GALNT14: variants seen among roughly 807,000 people sequenced by gnomAD.
The protein encoded by GALNT14 is polypeptide N-acetylgalactosaminyltransferase 14.
A neutral mutation model predicts 77.5 loss-of-function variants in GALNT14; 60 were observed. The ratio of observed to expected loss-of-function variants is 0.77; its 90% CI spans 0.63 to 0.96. The LOEUF is 0.96. Among genes scored for constraint, GALNT14 ranks in the 40% least tolerant of loss-of-function variants. GALNT14 has a pLI of 0.00. For synonymous variants in GALNT14, 280 were observed against 281.7 expected, an observed-to-expected ratio of 0.99 and a Z score of 0.06; for missense variants, 710 against 731.0, an observed-to-expected ratio of 0.97 and a Z score of 0.33.
At chr2:30,993,102 A>G in intron 1 of GALNT14, 95 bp from the exon 2 acceptor site, 1 of 1,351,106 alleles carries the variant, frequency 7.4e-7, no homozygotes, top group Non-Finnish European at 1.0e-6. Context: ...GACCAGGCTT[A>G]TTCTGGCAAG....
intron 9 of GALNT14, among the ~76,000 whole-genome samples, chr2:30,938,619 C>T (rs1666198991): frequency 1.3e-5 from 2 of 152,218 alleles, no homozygotes; most frequent in Non-Finnish European, 2.9e-5. Context: ...CTATTCAGCT[C>T]ACCTTAGAAA....
intron 1 of GALNT14, among the ~76,000 whole-genome samples, chr2:31,119,265 A>T (rs1337779751): frequency 1.3e-5 from 2 of 152,220 alleles, no homozygotes; most frequent in Admixed American, 6.5e-5. Flanking sequence ...ATATACCATA[A>T]AGTCAACAGT....
Position 31,138,141 on chromosome 2 carries a change from C to A in GALNT14, c.-55G>T. 2 of 1,610,724 alleles carry A rather than the reference C, an allele frequency of 1.2e-6. No homozygotes were observed. Among genetic ancestry groups the A allele is most frequent in the Non-Finnish European group, 1.7e-6 (2 of 1,178,016 alleles). ...GCTACGTCCCGGGGGCACCCCCCGGCGGTCAGGGTTGGCGGGGCAGGAGTC... is the reference window on the plus strand; with the variant it reads ...GCTACGTCCCGGGGGCACCCCCCGGAGGTCAGGGTTGGCGGGGCAGGAGTC... On this transcript the variant is annotated 5_prime_UTR_variant, in exon 1 of 15. Transcript: ENST00000349752.
rs571350971 is a variant in GALNT14 at position 31,034,541 on chromosome 2, C to G, written c.130-41534G>C. Among the ~76,000 whole-genome samples the G allele has an allele frequency of 2.0e-5, 3 of 151,128 alleles. No homozygotes were observed. The South Asian group carries it at 6.3e-4, about 32-fold the overall frequency. ...GCTATTCCAGTCACTGACTTTTGAT[C>G]TTTTTCTAGTTGTTTTGTTTTTTTT... On this transcript the variant is annotated intron_variant, in intron 1 of 14. Transcript: ENST00000349752.
At chr2:30,916,733 T>A (rs1664702843) in intron 13 of GALNT14, among the ~76,000 whole-genome samples, 1 of 151,958 alleles carries the variant, frequency 6.6e-6, no homozygotes, top group African/African-American at 2.4e-5. Context: ...AGCCTGGGGC[T>A]TGTGGTCTTG....
At chr2:31,034,396 A>G (rs1458863973) in intron 1 of GALNT14, among the ~76,000 whole-genome samples, 1 of 152,198 alleles carries the variant, frequency 6.6e-6, no homozygotes, top group Non-Finnish European at 1.5e-5. Flanking sequence ...GAAAGTTTCA[A>G]TGTCTCCTTC....
intron 2 of GALNT14, among the ~76,000 whole-genome samples, chr2:30,987,459 T>A (rs1020680001): frequency 1.3e-5 from 2 of 152,180 alleles, no homozygotes; most frequent in Non-Finnish European, 2.9e-5. Context: ...CCCTCTGCCA[T>A]CTCACACTCC....
At chr2:31,027,662 A>G (rs532806586) in intron 1 of GALNT14, among the ~76,000 whole-genome samples, 1 of 152,336 alleles carries the variant, frequency 6.6e-6, no homozygotes, top group Non-Finnish European at 1.5e-5. Flanking sequence ...TTTCAGGATT[A>G]GTACATACTA....
intron 1 of GALNT14, among the ~76,000 whole-genome samples, chr2:31,005,829 G>T (rs1320716672): frequency 2.0e-5 from 3 of 152,220 alleles, no homozygotes; most frequent in Non-Finnish European, 4.4e-5. Context: ...GATAAGACAA[G>T]AAAACTATTT....
chr2:30,932,405 G>C (rs570725104), intron 9 of GALNT14, among the ~76,000 whole-genome samples: 16 of 152,350 alleles, frequency 1.1e-4, no homozygotes, highest in African/African-American at 3.8e-4. Flanking sequence ...AGTGAGCAGG[G>C]AAACAGTGCA....
At chr2:30,941,341 C>T (rs1220980386) in intron 9 of GALNT14, among the ~76,000 whole-genome samples, 13 of 152,216 alleles carry the variant, frequency 8.5e-5, no homozygotes, top group Non-Finnish European at 1.8e-4. Context: ...CCCCTGCCCT[C>T]GTGCAGCTTC....
At chr2:30,951,819 T>C (rs1667045771) in intron 6 of GALNT14, among the ~76,000 whole-genome samples, 1 of 152,146 alleles carries the variant, frequency 6.6e-6, no homozygotes, top group Admixed American at 6.5e-5. Flanking sequence ...GTCTTTACCA[T>C]GACCTCACCT....
chr2:31,120,658 G>A (rs569839597), intron 1 of GALNT14, among the ~76,000 whole-genome samples: 1 of 152,162 alleles, frequency 6.6e-6, no homozygotes, highest in African/African-American at 2.4e-5. Context: ...CTGGGCTCAA[G>A]TGATTCTCCT....
intron 1 of GALNT14, among the ~76,000 whole-genome samples, chr2:31,135,131 G>A (rs756630445): frequency 3.9e-5 from 6 of 152,136 alleles, no homozygotes; most frequent in African/African-American, 9.7e-5. Context: ...ACCAAACCAC[G>A]ATCAACAGAC....
At chr2:31,089,267 T>C (rs1032227093) in intron 1 of GALNT14, among the ~76,000 whole-genome samples, 29 of 152,318 alleles carry the variant, frequency 1.9e-4, no homozygotes, top group African/African-American at 6.7e-4. Context: ...ATGCTTTCCC[T>C]TCTGCTGAAC....
At chr2:30,960,515 T>A (rs1228097206) in intron 3 of GALNT14, among the ~76,000 whole-genome samples, 1 of 151,608 alleles carries the variant, frequency 6.6e-6, no homozygotes, top group East Asian at 1.9e-4. Context: ...TAGTCAGCAG[T>A]GAGTGCTAAT....
At chr2:30,971,804 G>A (rs1009713167) in intron 2 of GALNT14, among the ~76,000 whole-genome samples, 1 of 151,650 alleles carries the variant, frequency 6.6e-6, no homozygotes, top group African/African-American at 2.4e-5. Context: ...TCAGAAACAT[G>A]CTCAGTGATG....
intron 2 of GALNT14, among the ~76,000 whole-genome samples, chr2:30,976,233 C>A (rs1270268226): frequency 6.6e-6 from 1 of 152,188 alleles, no homozygotes; most frequent in Non-Finnish European, 1.5e-5. Flanking sequence ...TCTCTGGCCC[C>A]AATCTACCTC....
At chr2:30,954,424 G>A (rs1243058001) in intron 6 of GALNT14, among the ~76,000 whole-genome samples, 3 of 152,140 alleles carry the variant, frequency 2.0e-5, no homozygotes, top group South Asian at 2.1e-4. Flanking sequence ...GCAATGGTGC[G>A]ATCTCAGCTC....
Sources: allele counts gnomAD v4.1 joint callset (sites outside exome capture counted in the v4.1 genomes callset), GRCh38; gene constraint gnomAD v4.1.1; transcripts MANE v1.5; gene names NCBI Gene and HGNC (gene_info 2026-07-23, HGNC 2026-07-21).